Variants in RNF152 observed in about 807,000 individuals in gnomAD.
The protein encoded by RNF152 is E3 ubiquitin-protein ligase RNF152.
Under a neutral mutation model 12.7 loss-of-function variants are expected in RNF152, and 11 were observed. The observed-to-expected ratio is 0.86, with a 90% CI of 0.54 to 1.43. RNF152 has a LOEUF of 1.43. Ranked by LOEUF, RNF152 falls within the 40% of genes most tolerant of loss-of-function variation. The pLI is 0.00. For missense variants in RNF152, 255 were observed against 274.8 expected, an observed-to-expected ratio of 0.93 and a Z score of 0.51; for synonymous variants, 113 against 120.3, an observed-to-expected ratio of 0.94 and a Z score of 0.40.
At chr18:61,844,759 G>T (rs1910672691) in intron 1 of RNF152, among the ~76,000 whole-genome samples, 1 of 152,052 alleles carries the variant, frequency 6.6e-6, no homozygotes, top group Non-Finnish European at 1.5e-5. Flanking sequence ...CTCTAATGAG[G>T]GCAGTAAGAT....
intron 1 of RNF152, among the ~76,000 whole-genome samples, chr18:61,868,112 C>T (rs527719281): frequency 6.6e-6 from 1 of 152,298 alleles, no homozygotes; most frequent in African/African-American, 2.4e-5. Flanking sequence ...CCTGGCTCCT[C>T]TCTCCAGTCA....
intron 1 of RNF152, among the ~76,000 whole-genome samples, chr18:61,876,331 G>A (rs192380247): frequency 1.3e-5 from 2 of 152,182 alleles, no homozygotes; most frequent in African/African-American, 4.8e-5. Context: ...GAGCATCTTG[G>A]TATAAAAATA....
chr18:61,829,475 C>A, intron 1 of RNF152, among the ~76,000 whole-genome samples: 1 of 148,818 alleles, frequency 6.7e-6, no homozygotes. Context: ...AAAACAAGGC[C>A]CAGGGAGAGA....
chr18:61,838,135 C>CATTATAATTATA (rs1568272172), intron 1 of RNF152, among the ~76,000 whole-genome samples: 1 of 152,198 alleles, frequency 6.6e-6, no homozygotes, highest in Admixed American at 6.5e-5. Context: ...TCCCAAGCTG[C>CATTATAATTATA]ATTATAATTA....
chr18:61,885,014 G>A (rs2144765343), intron 1 of RNF152, among the ~76,000 whole-genome samples: 1 of 152,268 alleles, frequency 6.6e-6, no homozygotes, highest in African/African-American at 2.4e-5. Flanking sequence ...GAGTGGAGTG[G>A]ATGGACTATT....
At position 61,808,459 on chromosome 18, in the gene RNF152, G is replaced by T. The variant is rs1912796050; in HGVS notation, c.*7393C>A. ...CATAATTGTAAATGAAACACATCAA[G>T]GATTTGAGTTAATAGCCTCTGAGCA... On this transcript the variant is annotated 3_prime_UTR_variant, in exon 2 of 2. Transcript: ENST00000312828. 1 of 142,484 alleles carries T rather than the reference G, an allele frequency of 7.0e-6. No individual in the cohort carries two copies. Among genetic ancestry groups the T allele is most frequent in the Non-Finnish European group, 1.5e-5 (1 of 66,066 alleles). The allele number at this position is 142,484 out of a possible 1,614,324, so 8.8% of individuals were successfully genotyped here.
chr18:61,833,884 TA>T (rs5825463), intron 1 of RNF152, among the ~76,000 whole-genome samples: 69,301 of 151,264 alleles, frequency 0.46, 16,328 homozygotes, highest in Non-Finnish European at 0.53. Context: ...ATTTGAGCTT[TA>T]AAAAAAAAAG....
intron 1 of RNF152, among the ~76,000 whole-genome samples, chr18:61,857,115 A>T (rs752743610): frequency 5.9e-5 from 9 of 152,078 alleles, no homozygotes; most frequent in Non-Finnish European, 1.3e-4. Flanking sequence ...ACAGAATCTC[A>T]CTTTTTACTT....
chr18:61,826,411 C>G (rs777553952), intron 1 of RNF152, among the ~76,000 whole-genome samples: 30 of 152,176 alleles, frequency 2.0e-4, no homozygotes, highest in Non-Finnish European at 4.1e-4. Flanking sequence ...ATTCTTATCT[C>G]CCGTTTGAAC....
chr18:61,878,642 GA>G (rs1568293422), intron 1 of RNF152, among the ~76,000 whole-genome samples: 1 of 152,200 alleles, frequency 6.6e-6, no homozygotes, highest in East Asian at 1.9e-4. Context: ...TGGAAGTTGA[GA>G]AATCCAAGAC....
chr18:61,850,769 G>A (rs1410040203), intron 1 of RNF152, among the ~76,000 whole-genome samples: 1 of 152,208 alleles, frequency 6.6e-6, no homozygotes, highest in Admixed American at 6.5e-5. Context: ...CAAACCGCTT[G>A]TTTGAGCTCA....
At chr18:61,847,803 G>A (rs1329678958) in intron 1 of RNF152, among the ~76,000 whole-genome samples, 2 of 151,946 alleles carry the variant, frequency 1.3e-5, no homozygotes, top group Non-Finnish European at 2.9e-5. Context: ...CAATGGCCTG[G>A]CCTTCACACC....
Position 61,828,138 on chromosome 18 carries a change from C to T in RNF152, c.-135-11540G>A, listed in dbSNP as rs148228697. 9.1e-3 allele frequency among the ~76,000 whole-genome samples: 1,386 copies of T among 152,338 alleles called. 19 individuals are homozygous for T. Among genetic ancestry groups the T allele is most frequent in the African/African-American group, 0.032 (1,320 of 41,576 alleles). On this transcript the variant is annotated intron_variant, in intron 1 of 1. Transcript: ENST00000312828. ...ACCAATCAAGATATTTCCGCCACCC[C>T]GAAAGGTCCCCTTGTGCCTCATGCA...
intron 1 of RNF152, among the ~76,000 whole-genome samples, chr18:61,819,189 C>T (rs1463236149): frequency 6.6e-6 from 1 of 152,170 alleles, no homozygotes; most frequent in Non-Finnish European, 1.5e-5. Flanking sequence ...GTCTCTGATA[C>T]AGATGTCTTT....
At chr18:61,863,193 G>C (rs1911566228) in intron 1 of RNF152, among the ~76,000 whole-genome samples, 1 of 152,098 alleles carries the variant, frequency 6.6e-6, no homozygotes, top group African/African-American at 2.4e-5. Context: ...CCCAGCATTT[G>C]GAAGGCCGAG....
intron 1 of RNF152, among the ~76,000 whole-genome samples, chr18:61,818,898 C>T (rs549675998): frequency 1.3e-5 from 2 of 152,030 alleles, no homozygotes; most frequent in Non-Finnish European, 2.9e-5. Context: ...GAGATGGGAG[C>T]GCTAAGTACT....
chr18:61,884,043 A>G (rs1912580548), intron 1 of RNF152, among the ~76,000 whole-genome samples: 1 of 152,192 alleles, frequency 6.6e-6, no homozygotes, highest in South Asian at 2.1e-4. Context: ...GACCATGCCT[A>G]TTCATCCCGA....
intron 1 of RNF152, chr18:61,888,971 G>C (rs547597178): frequency 6.6e-6 from 1 of 152,284 alleles, no homozygotes; most frequent in East Asian, 1.9e-4. Flanking sequence ...TGCATTTTGG[G>C]GCTTCCCAAA....
In RNF152 at chr18:61,808,118, T is replaced by A. The variant is rs1568251549; in HGVS notation, c.*7734A>T. On this transcript the variant is annotated 3_prime_UTR_variant, in exon 2 of 2. Transcript: ENST00000312828. ...CATAGCAAATGTGTTTTTACGGTAG[T>A]CATAAAATCAACATTACCACATATA... 6.6e-6 allele frequency: 1 copy of A among 151,898 alleles called. No individual in the cohort carries two copies. Among genetic ancestry groups the A allele is most frequent in the South Asian group, 2.1e-4 (1 of 4,804 alleles). The allele number at this position is 151,898 out of a possible 1,614,324, so 9.4% of individuals were successfully genotyped here.
Sources: gnomAD v4.1 joint callset for allele counts (sites outside exome capture counted in the v4.1 genomes callset) on GRCh38, gnomAD v4.1.1 for gene constraint, MANE v1.5 for transcripts, NCBI Gene and HGNC (gene_info 2026-07-23, HGNC 2026-07-21) for gene names.